KCNQ5: variants seen among roughly 807,000 people sequenced by gnomAD.
The protein encoded by KCNQ5 is potassium voltage-gated channel subfamily KQT member 5.
A neutral mutation model predicts 98.2 loss-of-function variants in KCNQ5; 30 were observed. The observed-to-expected ratio is 0.31, with a 90% CI of 0.23 to 0.41. KCNQ5 has a LOEUF of 0.41. Among genes scored for constraint, KCNQ5 ranks in the 10% least tolerant of loss-of-function variants. The pLI, the probability that KCNQ5 is intolerant of heterozygous loss-of-function variation, is 1.00. For missense variants in KCNQ5, 835 were observed against 1,182.5 expected, an observed-to-expected ratio of 0.71 and a Z score of 4.31; for synonymous variants, 458 against 449.4, an observed-to-expected ratio of 1.02 and a Z score of -0.24.
chr6:72,658,199 A>G (rs567739116), intron 1 of KCNQ5, among the ~76,000 whole-genome samples: 3 of 152,350 alleles, frequency 2.0e-5, no homozygotes, highest in African/African-American at 7.2e-5. Flanking sequence ...GGTTTGTTCT[A>G]CAAATTAGAT....
At chr6:72,859,455 C>T (rs886210094) in intron 1 of KCNQ5, among the ~76,000 whole-genome samples, 1 of 152,056 alleles carries the variant, frequency 6.6e-6, no homozygotes. Flanking sequence ...CTATATCATA[C>T]ATCACTTTTT....
intron 2 of KCNQ5, among the ~76,000 whole-genome samples, chr6:73,028,310 C>T (rs894027157): frequency 1.3e-5 from 2 of 152,048 alleles, no homozygotes; most frequent in African/African-American, 4.8e-5. Flanking sequence ...TTTCCTCCCT[C>T]GAGGCTTCAT....
At chr6:72,975,281 C>T (rs1387939213) in intron 1 of KCNQ5, among the ~76,000 whole-genome samples, 1 of 151,492 alleles carries the variant, frequency 6.6e-6, no homozygotes, top group African/African-American at 2.4e-5. Context: ...TGCTTATATA[C>T]ATAGCAGCAG....
At chr6:73,174,638 C>T (rs1345159430) in intron 11 of KCNQ5, among the ~76,000 whole-genome samples, 3 of 152,176 alleles carry the variant, frequency 2.0e-5, no homozygotes, top group African/African-American at 4.8e-5. Context: ...CTATCCCCTC[C>T]TCCCACCCTC....
At chr6:73,158,048 C>T (rs1461100477) in intron 10 of KCNQ5, 2 of 643,384 alleles carry the variant, frequency 3.1e-6, no homozygotes, top group Admixed American at 2.0e-5. Flanking sequence ...TGATAGTGTC[C>T]GGACCTCCTC....
intron 1 of KCNQ5, among the ~76,000 whole-genome samples, chr6:72,829,545 C>T (rs1776142552): frequency 6.6e-6 from 1 of 152,080 alleles, no homozygotes; most frequent in African/African-American, 2.4e-5. Context: ...TCAATATATA[C>T]TTAATATATT....
At chr6:72,778,910 C>G (rs554965019) in intron 1 of KCNQ5, among the ~76,000 whole-genome samples, 1 of 152,126 alleles carries the variant, frequency 6.6e-6, no homozygotes, top group African/African-American at 2.4e-5. Context: ...CTATAAATAG[C>G]TTTTGTAAAG....
chr6:72,646,254 T>A (rs1357842042), intron 1 of KCNQ5, among the ~76,000 whole-genome samples: 1 of 152,106 alleles, frequency 6.6e-6, no homozygotes, highest in Non-Finnish European at 1.5e-5. Context: ...TATACACATA[T>A]ATATATACAT....
At chr6:72,793,775 A>G (rs974204861) in intron 1 of KCNQ5, among the ~76,000 whole-genome samples, 4 of 152,178 alleles carry the variant, frequency 2.6e-5, no homozygotes, top group African/African-American at 9.7e-5. Context: ...GAGATGGGAG[A>G]ATTGGCCTTG....
At chr6:72,902,374 CT>C (rs1354504640) in intron 1 of KCNQ5, among the ~76,000 whole-genome samples, 1 of 152,144 alleles carries the variant, frequency 6.6e-6, no homozygotes, top group East Asian at 1.9e-4. Flanking sequence ...ACTTCCAGTA[CT>C]ATGTTGAAGA....
At chr6:72,968,215 C>T (rs1176590401) in intron 1 of KCNQ5, among the ~76,000 whole-genome samples, 1 of 152,142 alleles carries the variant, frequency 6.6e-6, no homozygotes, top group African/African-American at 2.4e-5. Context: ...CCAGAACTCC[C>T]TAAGTGTTTT....
At chr6:73,055,732 C>T in intron 3 of KCNQ5, 1 of 1,079,502 alleles carries the variant, frequency 9.3e-7, no homozygotes, top group Admixed American at 1.7e-5. Flanking sequence ...CTGGCATTCT[C>T]ATTGTCTATG....
intron 2 of KCNQ5, among the ~76,000 whole-genome samples, chr6:73,012,925 T>C (rs1044324986): frequency 6.6e-6 from 1 of 151,950 alleles, no homozygotes; most frequent in Non-Finnish European, 1.5e-5. Context: ...ATTAGATAAA[T>C]TCAAGTGCTT....
At chr6:72,662,716 C>T (rs894226450) in intron 1 of KCNQ5, among the ~76,000 whole-genome samples, 2 of 151,926 alleles carry the variant, frequency 1.3e-5, no homozygotes, top group Admixed American at 1.3e-4. Context: ...AATCACTGTT[C>T]ATCTTTTTAG....
rs367930592 is a variant in KCNQ5, at chr6:72,984,517, C to T, written c.399-19391C>T. ...TCCATAGGCGTGAGACCCATCGAGCCAGACATGGGATATACTCTCCTGGTT... is the reference window on the plus strand; with the variant it reads ...TCCATAGGCGTGAGACCCATCGAGCTAGACATGGGATATACTCTCCTGGTT... On this transcript the variant is annotated intron_variant, in intron 1 of 13. Coordinates refer to ENST00000370398, the MANE Select transcript of KCNQ5 (RefSeq NM_019842.4). Among the ~76,000 whole-genome samples the T allele has an allele frequency of 1.3e-4, 20 of 152,244 alleles. No homozygotes were observed. The South Asian group carries it at 4.1e-3, about 32-fold the overall frequency.
chr6:72,750,544 A>G lies in KCNQ5; in HGVS notation c.398+127957A>G, dbSNP rs530389958. 7.9e-5 allele frequency among the ~76,000 whole-genome samples: 12 copies of G among 152,146 alleles called. No individual in the cohort carries two copies. The South Asian group carries it at 2.5e-3, about 32-fold the overall frequency. On this transcript the variant is annotated intron_variant, in intron 1 of 13. Transcript: ENST00000370398. ...AGCTGTAGAAAATTAATGATCTTTT[A>G]AAAAGACAGTTGATTTTTCACATGG...
chr6:72,973,765 A>G (rs1768020465), intron 1 of KCNQ5, among the ~76,000 whole-genome samples: 1 of 152,232 alleles, frequency 6.6e-6, no homozygotes, highest in Non-Finnish European at 1.5e-5. Context: ...AAGAACAGAA[A>G]CAGTTTTTCT....
chr6:73,184,388 C>T (rs1318091446), intron 11 of KCNQ5, among the ~76,000 whole-genome samples: 1 of 152,186 alleles, frequency 6.6e-6, no homozygotes, highest in East Asian at 1.9e-4. Context: ...ATGGAGGAAA[C>T]TCAGAGGCTT....
At chr6:73,020,638 T>G (rs765850725) in intron 2 of KCNQ5, among the ~76,000 whole-genome samples, 1 of 152,130 alleles carries the variant, frequency 6.6e-6, no homozygotes, top group Non-Finnish European at 1.5e-5. Context: ...GGATTAAAAG[T>G]CCCAACCCTC....
Sources: gnomAD v4.1 joint callset for allele counts (sites outside exome capture counted in the v4.1 genomes callset) on GRCh38, gnomAD v4.1.1 for gene constraint, MANE v1.5 for transcripts, NCBI Gene and HGNC (gene_info 2026-07-23, HGNC 2026-07-21) for gene names.